Variants in ANKRD28 observed in about 807,000 individuals in gnomAD.
The protein encoded by ANKRD28 is serine/threonine-protein phosphatase 6 regulatory ankyrin repeat subunit A.
Under a neutral mutation model 126.5 loss-of-function variants are expected in ANKRD28, and 44 were observed. The ratio of observed to expected loss-of-function variants is 0.35; its 90% CI spans 0.27 to 0.45. The LOEUF (loss-of-function observed/expected upper bound fraction) is 0.45. Ranked by LOEUF, ANKRD28 falls within the 20% of genes least tolerant of loss-of-function variation. ANKRD28 has a pLI of 1.00. For synonymous variants in ANKRD28, 442 were observed against 468.5 expected (o/e 0.94, Z 0.73); for missense variants, 1,110 against 1,316.6 (o/e 0.84, Z 2.43).
intron 10 of ANKRD28, 117 bp downstream of exon 10, chr3:15,713,410 A>T: frequency 1.4e-6 from 1 of 737,670 alleles, no homozygotes. Flanking sequence ...AAGTTCAAGC[A>T]ATTAATACAA....
intron 6 of ANKRD28, chr3:15,731,848 CAAAAAAAAAAAAA>C (rs397934004): frequency 1.5e-3 from 7 of 4,522 alleles, no homozygotes; most frequent in African/African-American, 3.8e-3. Flanking sequence ...GAAACTGTCT[CAAAAAAAAAAAAA>C]AAAAAAAAAA....
chr3:15,675,054 G>C (rs750632700), intron 27 of ANKRD28, among the ~76,000 whole-genome samples: 11 of 152,176 alleles, frequency 7.2e-5, no homozygotes, highest in Non-Finnish European at 8.8e-5. Context: ...CAGATCACCT[G>C]AGGTCAGGGG....
chr3:15,859,476 T>G (rs2061858364), exon 1 of ANKRD28: 1 of 1,367,310 alleles, frequency 7.3e-7, no homozygotes, highest in Admixed American at 2.2e-5. Context: ...ACCGGCCCAC[T>G]GCTCCCGCCC....
intron 6 of ANKRD28, among the ~76,000 whole-genome samples, chr3:15,727,150 A>G (rs1329451357): frequency 6.6e-6 from 1 of 152,194 alleles, no homozygotes; most frequent in African/African-American, 2.4e-5. Flanking sequence ...TCCCTGAATC[A>G]AGAGTAATTT....
intron 1 of ANKRD28, among the ~76,000 whole-genome samples, chr3:15,841,918 A>G (rs2061430345): frequency 6.6e-6 from 1 of 152,112 alleles, no homozygotes; most frequent in Admixed American, 6.5e-5. Context: ...ATGATCCAGT[A>G]ATCCATCTGC....
chr3:15,840,878 C>T (rs765442852), intron 1 of ANKRD28, among the ~76,000 whole-genome samples: 6 of 152,218 alleles, frequency 3.9e-5, no homozygotes, highest in Non-Finnish European at 7.3e-5. Flanking sequence ...TGGTGGCTCA[C>T]GCCTGTAATC....
At chr3:15,672,951 T>A (rs1207392235) in intron 27 of ANKRD28, among the ~76,000 whole-genome samples, 1 of 152,218 alleles carries the variant, frequency 6.6e-6, no homozygotes, top group African/African-American at 2.4e-5. Flanking sequence ...AATTTTTGTA[T>A]TTTTAGTAGA....
At position 15,816,178 on chromosome 3, in the gene ANKRD28, G is replaced by A. The variant is rs1283424940; in HGVS notation, c.28-20872C>T. On this transcript the variant is annotated intron_variant, in intron 1 of 27. Transcript: ENST00000399451. This position sits in a 1 kb window ranked among gnomAD's most constrained non-coding sequence, Gnocchi z 5.0. ...TTATCAGGCAACATGTAATTGCAAT[G>A]ATTTTCATTGTATTAACTAAAATTT... Among the ~76,000 whole-genome samples the A allele has an allele frequency of 1.3e-5, 2 of 152,230 alleles. No individual in the cohort carries two copies. Among genetic ancestry groups the A allele is most frequent in the East Asian group, 1.9e-4 (1 of 5,192 alleles).
intron 27 of ANKRD28, among the ~76,000 whole-genome samples, chr3:15,674,198 A>AAAAAAAAAAAAAAAC (rs2066693484): frequency 6.7e-6 from 1 of 149,928 alleles, no homozygotes; most frequent in Non-Finnish European, 1.5e-5. Flanking sequence ...AAAAAAAAAA[A>AAAAAAAAAAAAAAAC]GAAGAAGAAC....
chr3:15,760,039 C>T (rs1227771477), intron 3 of ANKRD28, among the ~76,000 whole-genome samples: 4 of 151,446 alleles, frequency 2.6e-5, no homozygotes, highest in Non-Finnish European at 4.4e-5. Flanking sequence ...AGAGTAACAG[C>T]CAATCACCAG....
intron 15 of ANKRD28, 51 bp from the exon 16 acceptor site, chr3:15,695,265 T>C (rs1045699856): frequency 8.8e-6 from 12 of 1,360,016 alleles, no homozygotes; most frequent in Middle Eastern, 1.8e-4. Flanking sequence ...TATTCATCTA[T>C]ATTAAGTCTC....
At chr3:15,703,511 A>G (rs1169545850) in intron 14 of ANKRD28, among the ~76,000 whole-genome samples, 1 of 152,204 alleles carries the variant, frequency 6.6e-6, no homozygotes, top group Non-Finnish European at 1.5e-5. Flanking sequence ...CATTCCTTCT[A>G]CCATGTGAGG....
chr3:15,801,732 T>C (rs879682653), upstream of ANKRD28, among the ~76,000 whole-genome samples: 2 of 152,218 alleles, frequency 1.3e-5, no homozygotes, highest in African/African-American at 2.4e-5. The surrounding 1 kb of genome is among the most constrained non-coding windows in gnomAD (Gnocchi z 4.9). Context: ...CAATTATCTA[T>C]GTGATTATTA....
intron 3 of ANKRD28, among the ~76,000 whole-genome samples, chr3:15,752,992 A>G (rs374731000): frequency 2.0e-5 from 3 of 152,196 alleles, no homozygotes; most frequent in African/African-American, 7.2e-5. Context: ...GCCTTGAAAA[A>G]TGAGAGAAAA....
chr3:15,858,846 A>T (rs2061831440), intron 1 of ANKRD28, among the ~76,000 whole-genome samples: 1 of 152,224 alleles, frequency 6.6e-6, no homozygotes, highest in Admixed American at 6.5e-5. Context: ...ATAAGTCAAG[A>T]AAAGTAACAA....
intron 21 of ANKRD28, among the ~76,000 whole-genome samples, chr3:15,680,023 A>C (rs1285060613): frequency 6.6e-6 from 1 of 152,112 alleles, no homozygotes; most frequent in African/African-American, 2.4e-5. Flanking sequence ...TCTATAAGGG[A>C]CTTGAGCGCC....
At chr3:15,739,235 C>T (rs922707777) in intron 4 of ANKRD28, among the ~76,000 whole-genome samples, 6 of 152,070 alleles carry the variant, frequency 3.9e-5, no homozygotes, top group African/African-American at 1.2e-4. Flanking sequence ...TAGGAAATCA[C>T]AAGAATAATG....
chr3:15,825,695 C>T (rs1018811306), intron 1 of ANKRD28, among the ~76,000 whole-genome samples: 21 of 151,918 alleles, frequency 1.4e-4, no homozygotes, highest in African/African-American at 5.1e-4. Context: ...GTAGACTAGC[C>T]ACAGATTGAG....
At chr3:15,685,688 AAAT>A (rs1409072805) in intron 20 of ANKRD28, among the ~76,000 whole-genome samples, 1 of 152,222 alleles carries the variant, frequency 6.6e-6, no homozygotes, top group Non-Finnish European at 1.5e-5. Flanking sequence ...TATTCAATGA[AAAT>A]AATGATATTT....
Sources: gnomAD v4.1 joint callset for allele counts (sites outside exome capture counted in the v4.1 genomes callset) on GRCh38, gnomAD v4.1.1 for gene constraint, Gnocchi (gnomAD v3.1) non-coding constraint, MANE v1.5 for transcripts, NCBI Gene and HGNC (gene_info 2026-07-23, HGNC 2026-07-21) for gene names.